The following RYR3 variants were observed in gnomAD, a reference collection of about 807,000 sequenced individuals.
RYR3 encodes the protein brain ryanodine receptor-calcium release channel.
In RYR3, 207 loss-of-function variants were observed where a neutral mutation model predicts 584.3. That is an observed-to-expected ratio of 0.35 (90% CI 0.32 to 0.40). The LOEUF is 0.40. Among genes scored for constraint, RYR3 ranks in the 10% least tolerant of loss-of-function variants. The pLI is 1.00. For synonymous variants in RYR3, 2,416 were observed against 2,248.5 expected (o/e 1.07, Z -2.11); for missense variants, 5,616 against 6,089.2 (o/e 0.92, Z 2.59).
Position 33,865,461 on chromosome 15 carries a change from G to C in RYR3, c.*235G>C. 1 of 473,756 alleles carries C rather than the reference G, an allele frequency of 2.1e-6. No individual in the cohort carries two copies. Among genetic ancestry groups the C allele is most frequent in the South Asian group, 3.3e-5 (1 of 30,420 alleles). The allele number at this position is 473,756 out of a possible 1,614,324, so 29.3% of individuals were successfully genotyped here. ...TCGAAGAAGGAAGGCGAAGAATCAAGTAATCTCTAGGCAAATGCCTTCAAG... is the reference window on the plus strand; with the variant it reads ...TCGAAGAAGGAAGGCGAAGAATCAACTAATCTCTAGGCAAATGCCTTCAAG... On this transcript the variant is annotated 3_prime_UTR_variant, in exon 104 of 104. Coordinates refer to ENST00000634891, the MANE Select transcript of RYR3 (RefSeq NM_001036.6).
intron 67 of RYR3, among the ~76,000 whole-genome samples, chr15:33,791,529 A>T (rs1272545442): frequency 1.3e-5 from 2 of 152,062 alleles, no homozygotes; most frequent in African/African-American, 4.8e-5. Context: ...GAGTAAAGAG[A>T]AGGTATGAGG....
chr15:33,698,141 C>T (rs2065993425), intron 40 of RYR3, 145 bp downstream of exon 40: 3 of 636,920 alleles, frequency 4.7e-6, no homozygotes, highest in South Asian at 1.9e-5. Flanking sequence ...CAAGAAGGAG[C>T]CAAGCGATGG....
chr15:33,774,834 A>C (rs1244992004), intron 64 of RYR3, among the ~76,000 whole-genome samples: 1 of 152,204 alleles, frequency 6.6e-6, no homozygotes, highest in Admixed American at 6.5e-5. Context: ...TCACAGAAAA[A>C]TCAACCAAAA....
At chr15:33,806,698 T>C (rs551900156) in intron 69 of RYR3, among the ~76,000 whole-genome samples, 1 of 152,126 alleles carries the variant, frequency 6.6e-6, no homozygotes, top group Non-Finnish European at 1.5e-5. Context: ...GGTTTTTTGG[T>C]GATTCTGAAT....
chr15:33,830,513 C>T (rs2077612268), intron 85 of RYR3, among the ~76,000 whole-genome samples: 1 of 152,140 alleles, frequency 6.6e-6, no homozygotes, highest in East Asian at 1.9e-4. Flanking sequence ...TTGTATGACT[C>T]ACTTTATTGT....
At chr15:33,664,616 C>T (rs2339295) in intron 36 of RYR3, among the ~76,000 whole-genome samples, 47,483 of 84,608 alleles carry the variant, frequency 0.56, 10,371 homozygotes, top group Non-Finnish European at 0.63. Context: ...TATATATATA[C>T]GTATGTATAC....
At chr15:33,630,111 T>A in intron 22 of RYR3, 68 bp downstream of exon 22, 1 of 816,794 alleles carries the variant, frequency 1.2e-6, no homozygotes, top group South Asian at 1.7e-5. Context: ...ATAACTAAAC[T>A]GCAAAGATAT....
At chr15:33,460,589 G>A (rs1472211877) in intron 1 of RYR3, among the ~76,000 whole-genome samples, 1 of 152,084 alleles carries the variant, frequency 6.6e-6, no homozygotes, top group Non-Finnish European at 1.5e-5. Flanking sequence ...GTATTCTGAG[G>A]GCCTAGCACT....
At chr15:33,720,875 TA>T (rs61329510) in intron 43 of RYR3, among the ~76,000 whole-genome samples, 135 of 148,736 alleles carry the variant, frequency 9.1e-4, no homozygotes, top group African/African-American at 2.4e-3. Context: ...CCCTGTCTCT[TA>T]AAAAAAAAAA....
intron 67 of RYR3, among the ~76,000 whole-genome samples, chr15:33,797,888 A>C (rs918630070): frequency 2.4e-4 from 36 of 152,368 alleles, no homozygotes; most frequent in African/African-American, 8.7e-4. Context: ...AAAAATCAAT[A>C]GGAAAGAAAT....
chr15:33,665,651 C>A (rs2063454559), intron 36 of RYR3, among the ~76,000 whole-genome samples: 1 of 152,228 alleles, frequency 6.6e-6, no homozygotes, highest in Admixed American at 6.5e-5. Context: ...TCCATACCTT[C>A]TGCTGTCTCT....
intron 64 of RYR3, 99 bp downstream of exon 64, chr15:33,773,714 A>G (rs2073789000): frequency 5.0e-6 from 4 of 805,280 alleles, no homozygotes; most frequent in South Asian, 4.5e-5. Context: ...CAGCAAGACC[A>G]AAATGCTCAC....
At chr15:33,572,638 T>TA (rs71117149) in intron 12 of RYR3, among the ~76,000 whole-genome samples, 15,044 of 101,056 alleles carry the variant, frequency 0.15, 1,951 homozygotes, top group African/African-American at 0.37. Flanking sequence ...CTCATTAAAT[T>TA]AAAAAAAAAA....
chr15:33,658,903 G>A (rs1481613688), intron 32 of RYR3, among the ~76,000 whole-genome samples: 1 of 152,218 alleles, frequency 6.6e-6, no homozygotes, highest in African/African-American at 2.4e-5. Context: ...GGGTGGAGAG[G>A]ATGGAGAGGA....
intron 46 of RYR3, among the ~76,000 whole-genome samples, chr15:33,728,466 G>T (rs1488991163): frequency 6.6e-6 from 1 of 152,184 alleles, no homozygotes; most frequent in Non-Finnish European, 1.5e-5. Context: ...TTTTAAACTG[G>T]CTTTTCAACA....
chr15:33,692,330 G>T (rs34543208), intron 38 of RYR3, among the ~76,000 whole-genome samples: 13,712 of 152,146 alleles, frequency 0.09, 647 homozygotes, highest in Admixed American at 0.11. Context: ...AAGTTCATTG[G>T]TTGTGCCTGG....
chr15:33,330,703 T>G (rs1970277495), intron 1 of RYR3, among the ~76,000 whole-genome samples: 1 of 152,200 alleles, frequency 6.6e-6, no homozygotes, highest in South Asian at 2.1e-4. Context: ...GAACAATAAC[T>G]GGAATTCTAG....
intron 43 of RYR3, among the ~76,000 whole-genome samples, chr15:33,712,438 T>A (rs1260230991): frequency 6.6e-6 from 1 of 152,192 alleles, no homozygotes; most frequent in Non-Finnish European, 1.5e-5. Context: ...GAAATAAGGA[T>A]GTCAGAAGAA....
At chr15:33,634,773 A>G in intron 25 of RYR3, 40 bp downstream of exon 25, 1 of 1,583,962 alleles carries the variant, frequency 6.3e-7, no homozygotes, top group Non-Finnish European at 8.7e-7. Flanking sequence ...CCAGTTTACT[A>G]AACAGGTCCT....
Sources: gnomAD v4.1 joint callset for allele counts (sites outside exome capture counted in the v4.1 genomes callset) on GRCh38, gnomAD v4.1.1 for gene constraint, MANE v1.5 for transcripts, NCBI Gene and HGNC (gene_info 2026-07-23, HGNC 2026-07-21) for gene names.